Variants in CNOT6L observed in about 807,000 individuals in gnomAD.
The protein encoded by CNOT6L is CCR4-NOT transcription complex subunit 6-like.
In CNOT6L, 7 loss-of-function variants were observed where a neutral mutation model predicts 64.0. The ratio of observed to expected loss-of-function variants is 0.11; its 90% CI spans 0.06 to 0.21. CNOT6L has a LOEUF of 0.21. CNOT6L is among the 10% of genes least tolerant of loss of function. The pLI is 1.00. For missense variants in CNOT6L, 245 were observed against 669.0 expected (o/e 0.37, Z 6.99); for synonymous variants, 193 against 243.4 (o/e 0.79, Z 1.93).
chr4:77,768,422 G>T (rs185192022), intron 4 of CNOT6L, among the ~76,000 whole-genome samples: 1 of 148,846 alleles, frequency 6.7e-6, no homozygotes, highest in South Asian at 2.1e-4. Context: ...CCGAGATCGC[G>T]CCACTGCACT....
chr4:77,814,838 T>G (rs1324365965), intron 1 of CNOT6L, among the ~76,000 whole-genome samples: 3 of 152,206 alleles, frequency 2.0e-5, no homozygotes, highest in African/African-American at 7.2e-5. Flanking sequence ...GAATAAATTG[T>G]GATTCAATTA....
intron 4 of CNOT6L, among the ~76,000 whole-genome samples, chr4:77,771,508 A>G (rs1727558463): frequency 6.6e-6 from 1 of 152,214 alleles, no homozygotes; most frequent in Non-Finnish European, 1.5e-5. Context: ...ATGTCTCAAC[A>G]GTACAATTTC....
upstream of CNOT6L, chr4:77,819,545 G>A: frequency 7.4e-6 from 4 of 537,114 alleles, no homozygotes; most frequent in Non-Finnish European, 8.5e-6. Context: ...GGGCGCGCAG[G>A]GAACCCGGGC....
intron 1 of CNOT6L, among the ~76,000 whole-genome samples, chr4:77,779,890 G>A (rs2110078085): frequency 6.6e-6 from 1 of 152,270 alleles, no homozygotes; most frequent in East Asian, 1.9e-4. Flanking sequence ...CATGAACCCG[G>A]GAGGCGGAGC....
At chr4:77,785,989 G>C (rs911145636) in intron 1 of CNOT6L, among the ~76,000 whole-genome samples, 1 of 152,038 alleles carries the variant, frequency 6.6e-6, no homozygotes, top group Non-Finnish European at 1.5e-5. Context: ...ACATAAATAA[G>C]AAATAACATG....
At chr4:77,782,201 T>A (rs1728936401) in intron 1 of CNOT6L, among the ~76,000 whole-genome samples, 1 of 152,204 alleles carries the variant, frequency 6.6e-6, no homozygotes. Context: ...TAAATAACTA[T>A]CCTTCCCATC....
Position 77,720,367 on chromosome 4 carries a change from A to C in CNOT6L, c.*64T>G. 6.7e-7 allele frequency: 1 copy of C among 1,489,958 alleles called. No homozygotes were observed. The highest frequency in any genetic ancestry group is 9.3e-7 in the Non-Finnish European group (1 of 1,079,480). 92.3% of individuals were successfully genotyped at this position (1,489,958 alleles called of 1,614,324 possible). A position where few individuals can be genotyped will look rare whatever the true frequency, so the allele number is the denominator to read the frequency against. On this transcript the variant is annotated 3_prime_UTR_variant, in exon 12 of 12. Transcript: ENST00000504123. ...GGATGGCCATACTTCACTCCTACAT[A>C]CTTTGATTTACAACTGTACAGGTCC...
At chr4:77,735,532 A>G (rs546705773) in intron 8 of CNOT6L, among the ~76,000 whole-genome samples, 1 of 152,298 alleles carries the variant, frequency 6.6e-6, no homozygotes, top group South Asian at 2.1e-4. Flanking sequence ...CTTTAATACC[A>G]TAAGATATAA....
intron 1 of CNOT6L, among the ~76,000 whole-genome samples, chr4:77,799,128 A>G (rs1369707801): frequency 1.3e-5 from 2 of 150,086 alleles, no homozygotes; most frequent in East Asian, 4.1e-4. Context: ...ACAGCCCAAA[A>G]CTGGAAACTG....
chr4:77,727,503 T>TTGCAGTCA (rs1721990349), intron 10 of CNOT6L, among the ~76,000 whole-genome samples: 1 of 139,140 alleles, frequency 7.2e-6, no homozygotes, highest in Non-Finnish European at 1.5e-5. Flanking sequence ...GAGGCAGAGG[T>TTGCAGTCA]TGCAGTCAAG....
At chr4:77,726,962 A>G (rs1426502153) in intron 10 of CNOT6L, among the ~76,000 whole-genome samples, 2 of 152,192 alleles carry the variant, frequency 1.3e-5, no homozygotes, top group Non-Finnish European at 2.9e-5. Flanking sequence ...CTAAAAATAC[A>G]AGGCTGAAGA....
upstream of CNOT6L, chr4:77,819,550 C>T (rs1734060863): frequency 2.0e-6 from 1 of 489,338 alleles, no homozygotes; most frequent in Non-Finnish European, 3.2e-6. Context: ...CGCAGGGAAC[C>T]CGGGCCCGGG....
At chr4:77,812,416 C>A (rs1038876103) in intron 1 of CNOT6L, among the ~76,000 whole-genome samples, 1 of 147,458 alleles carries the variant, frequency 6.8e-6, no homozygotes, top group African/African-American at 2.5e-5. Flanking sequence ...CCAGCCTGGG[C>A]GACAGAGTGA....
chr4:77,777,795 T>C (rs1040077715), intron 1 of CNOT6L, among the ~76,000 whole-genome samples: 2 of 152,066 alleles, frequency 1.3e-5, no homozygotes, highest in Admixed American at 1.3e-4. Flanking sequence ...TTGTAACATA[T>C]AGAGATTAAA....
At chr4:77,756,520 G>T (rs956032145) in intron 5 of CNOT6L, among the ~76,000 whole-genome samples, 4 of 152,158 alleles carry the variant, frequency 2.6e-5, no homozygotes, top group African/African-American at 9.7e-5. Flanking sequence ...TTAAGAGCAA[G>T]ATAATCTTAG....
intron 7 of CNOT6L, 82 bp downstream of exon 7, chr4:77,744,636 G>A: frequency 8.4e-7 from 1 of 1,197,252 alleles, no homozygotes; most frequent in Non-Finnish European, 1.1e-6. Flanking sequence ...TCTAAACACA[G>A]GATCTCTCCC....
chr4:77,785,306 A>T (rs1298849919), intron 1 of CNOT6L, among the ~76,000 whole-genome samples: 1 of 152,240 alleles, frequency 6.6e-6, no homozygotes, highest in African/African-American at 2.4e-5. Flanking sequence ...TATAAAACCA[A>T]TAACTATAAA....
At position 77,729,197 on chromosome 4, in the gene CNOT6L, T is replaced by C. The variant is rs554823652; in HGVS notation, c.1025-116A>G. The C allele has an allele frequency of 1.6e-3, 1,120 of 720,318 alleles. 2 individuals are homozygous for C. Among genetic ancestry groups the C allele is most frequent in the Non-Finnish European group, 2.4e-3 (998 of 421,904 alleles). 44.6% of individuals were successfully genotyped at this position (720,318 alleles called of 1,614,324 possible). ...CTACTTCTTTACTCTTTTCCATGAA[T>C]TTATAACTTCCCTTTTATCTCATAA... On this transcript the variant is annotated intron_variant, in intron 9 of 11. Transcript: ENST00000504123.
At chr4:77,725,987 A>G in intron 11 of CNOT6L, 180 bp downstream of exon 11, 2 of 600,306 alleles carry the variant, frequency 3.3e-6, no homozygotes, top group Non-Finnish European at 5.9e-6. Context: ...AGAATTTAAG[A>G]CAACAATAGC....
Sources: allele counts gnomAD v4.1 joint callset (sites outside exome capture counted in the v4.1 genomes callset), GRCh38; gene constraint gnomAD v4.1.1; transcripts MANE v1.5; gene names NCBI Gene and HGNC (gene_info 2026-07-23, HGNC 2026-07-21).